The following TTC27 variants were observed in gnomAD, a reference collection of about 807,000 sequenced individuals.
The protein encoded by TTC27 is tetratricopeptide repeat protein 27.
A neutral mutation model predicts 115.9 loss-of-function variants in TTC27; 79 were observed. The observed-to-expected ratio is 0.68, with a 90% CI of 0.57 to 0.82. TTC27 has a LOEUF of 0.82. Ranked by LOEUF, TTC27 falls within the 40% of genes least tolerant of loss-of-function variation. TTC27 has a pLI of 0.00. For synonymous variants in TTC27, 401 were observed against 356.0 expected, an observed-to-expected ratio of 1.13 and a Z score of -1.42; for missense variants, 1,054 against 993.1, an observed-to-expected ratio of 1.06 and a Z score of -0.82.
Position 32,680,122 on chromosome 2 carries a change from G to A in TTC27, c.1119+1200G>A, listed in dbSNP as rs372475456. 3.9e-5 allele frequency among the ~76,000 whole-genome samples: 6 copies of A among 152,258 alleles called. No homozygotes were observed. In the East Asian group the frequency reaches 5.8e-4, roughly 15 times the overall value. On this transcript the variant is annotated intron_variant, in intron 9 of 19. Coordinates refer to ENST00000317907, the MANE Select transcript of TTC27 (RefSeq NM_017735.5). ...GTTAAGTCGTTTGAGTCCTCTGGTT[G>A]TGTGTTTTATTTTCCCACTTCAGTA...
intron 5 of TTC27, among the ~76,000 whole-genome samples, chr2:32,653,450 C>T (rs994246255): frequency 3.9e-5 from 6 of 151,954 alleles, no homozygotes; most frequent in East Asian, 1.9e-4. Flanking sequence ...AAAAATTAGC[C>T]GGACATTGTG....
At chr2:32,694,215 C>T (rs1469744643) in intron 9 of TTC27, among the ~76,000 whole-genome samples, 2 of 152,122 alleles carry the variant, frequency 1.3e-5, no homozygotes, top group African/African-American at 4.8e-5. Context: ...TAAGAATTAA[C>T]AACATGTAGT....
At chr2:32,698,743 G>A (rs1667083159) in intron 9 of TTC27, among the ~76,000 whole-genome samples, 1 of 152,192 alleles carries the variant, frequency 6.6e-6, no homozygotes, top group Non-Finnish European at 1.5e-5. Context: ...GCCTCCCAAA[G>A]TGCTGGGATT....
chr2:32,644,667 G>T (rs1664781767), intron 4 of TTC27, among the ~76,000 whole-genome samples: 1 of 151,886 alleles, frequency 6.6e-6, no homozygotes, highest in African/African-American at 2.4e-5. Flanking sequence ...GGCCTCAAGT[G>T]ATCCTCCCAC....
At chr2:32,780,868 G>T (rs1273447296) in intron 14 of TTC27, among the ~76,000 whole-genome samples, 1 of 146,522 alleles carries the variant, frequency 6.8e-6, no homozygotes, top group Non-Finnish European at 1.5e-5. Context: ...TTTTTTTGTG[G>T]ACTCCTTAAA....
chr2:32,775,808 A>G (rs1669978658), intron 13 of TTC27, among the ~76,000 whole-genome samples: 1 of 152,184 alleles, frequency 6.6e-6, no homozygotes, highest in South Asian at 2.1e-4. Flanking sequence ...GGTGGGGAAA[A>G]AAGTACACTT....
chr2:32,714,694 T>A (rs756258411), intron 10 of TTC27, among the ~76,000 whole-genome samples: 1 of 152,188 alleles, frequency 6.6e-6, no homozygotes, highest in Non-Finnish European at 1.5e-5. Context: ...CTGAACTAAT[T>A]TACATTCCCA....
chr2:32,645,933 T>C (rs1034605573), intron 4 of TTC27, among the ~76,000 whole-genome samples: 1 of 152,030 alleles, frequency 6.6e-6, no homozygotes, highest in Non-Finnish European at 1.5e-5. Context: ...TTGGTCAGGC[T>C]GGTCTCGAAC....
At chr2:32,758,553 C>A in intron 13 of TTC27, 34 bp downstream of exon 13, 5 of 1,585,540 alleles carry the variant, frequency 3.2e-6, no homozygotes, top group Non-Finnish European at 4.3e-6. Flanking sequence ...CTGCTCTCAG[C>A]GCTTGTGCTG....
intron 4 of TTC27, among the ~76,000 whole-genome samples, chr2:32,644,428 T>C (rs896574663): frequency 6.6e-6 from 1 of 151,814 alleles, no homozygotes; most frequent in African/African-American, 2.4e-5. Flanking sequence ...AATTAATAAA[T>C]ATGTGGAATA....
intron 9 of TTC27, among the ~76,000 whole-genome samples, chr2:32,694,542 A>T (rs1407123566): frequency 1.3e-5 from 2 of 151,688 alleles, no homozygotes; most frequent in South Asian, 2.1e-4. Flanking sequence ...CATCTCTATT[A>T]AAAAAAATAA....
At position 32,758,303 on chromosome 2, in the gene TTC27, C is replaced by G. The variant is rs749640675; in HGVS notation, c.1464C>G (p.Ile488Met). 2 of 1,614,012 alleles carry G rather than the reference C, an allele frequency of 1.2e-6. No individual in the cohort carries two copies. Among genetic ancestry groups the G allele is most frequent in the Non-Finnish European group, 1.7e-6 (2 of 1,179,974 alleles). The change falls in exon 13 of 20, where the codon ATC becomes ATG. Residue 488 changes from isoleucine to methionine, a missense_variant. Ile to Met is a conservative substitution (Grantham distance 10, BLOSUM62 1). Coordinates refer to ENST00000317907, the MANE Select transcript of TTC27 (RefSeq NM_017735.5). ...TCTGTTGTTTCTAGGCAGAAGAAAT[C>G]CTTAGACAAGAGCTGGAGAAAAAAG... ...RAGQHGKAEEILRQELEKKET... is the reference protein window; with the variant it reads ...RAGQHGKAEEMLRQELEKKET...
chr2:32,646,264 G>C (rs1019691873), intron 4 of TTC27, among the ~76,000 whole-genome samples: 1 of 150,058 alleles, frequency 6.7e-6, no homozygotes, highest in Non-Finnish European at 1.5e-5. Flanking sequence ...TCCTGACCTC[G>C]TGATCCACCT....
At chr2:32,726,692 T>G (rs1410056253) in intron 10 of TTC27, among the ~76,000 whole-genome samples, 1 of 152,256 alleles carries the variant, frequency 6.6e-6, no homozygotes, top group Non-Finnish European at 1.5e-5. Context: ...CCAAAGTTGC[T>G]TCCACATTTT....
chr2:32,792,834 G>C (rs527385995), intron 16 of TTC27, among the ~76,000 whole-genome samples: 1 of 152,204 alleles, frequency 6.6e-6, no homozygotes, highest in Non-Finnish European at 1.5e-5. Flanking sequence ...GTTGGGAAAC[G>C]AATAGTTAAT....
intron 10 of TTC27, among the ~76,000 whole-genome samples, chr2:32,708,304 G>GTTTTTTTTTGTTTTTTTTTTTTTTTT (rs1667450512): frequency 1.6e-5 from 1 of 61,348 alleles, no homozygotes; most frequent in Non-Finnish European, 3.1e-5. Context: ...TCTCTACCTT[G>GTTTTTTTTTGTTTTTTTTTTTTTTTT]TTTTTTTTTT....
Position 32,782,658 on chromosome 2 carries a change from C to T in TTC27, c.1812C>T (p.Ser604=). The T allele has an allele frequency of 6.2e-7, 1 of 1,611,834 alleles. No homozygotes were observed. The highest frequency in any genetic ancestry group is 8.5e-7 in the Non-Finnish European group (1 of 1,178,636). Residue 604 remains serine (S), a synonymous_variant, in exon 15 of 20, where the codon TCC becomes TCT. Coordinates refer to ENST00000317907, the MANE Select transcript of TTC27 (RefSeq NM_017735.5). ...NAEAWNNLST[S]YIRLKQKVKA... is the part of the protein sequence containing the mutation. ...AAGCTTGGAACAATTTGTCAACTTC[C>T]TATATCCGATTAAAACAAAAGTAAG...
intron 10 of TTC27, among the ~76,000 whole-genome samples, chr2:32,724,383 GGCA>G (rs2151911352): frequency 6.6e-6 from 1 of 152,290 alleles, no homozygotes; most frequent in African/African-American, 2.4e-5. Context: ...GCAGTGGAAG[GGCA>G]GGGGAGTCAA....
chr2:32,719,592 TCTTAA>T (rs1332484135), intron 10 of TTC27, among the ~76,000 whole-genome samples: 1 of 152,200 alleles, frequency 6.6e-6, no homozygotes, highest in Non-Finnish European at 1.5e-5. Flanking sequence ...ATGAAGATCA[TCTTAA>T]CTTGAGAATA....
Sources: gnomAD v4.1 joint callset for allele counts (sites outside exome capture counted in the v4.1 genomes callset) on GRCh38, gnomAD v4.1.1 for gene constraint, MANE v1.5 for transcripts, NCBI Gene and HGNC (gene_info 2026-07-23, HGNC 2026-07-21) for gene names.